The following CNBD1 variants were observed in gnomAD, a reference collection of about 807,000 sequenced individuals.
CNBD1 encodes cyclic nucleotide-binding domain-containing protein 1.
CNBD1 carries 71 observed loss-of-function variants against 54.4 expected under a neutral mutation model. The ratio of observed to expected loss-of-function variants is 1.30; its 90% CI spans 1.08 to 1.59. The LOEUF is 1.59. Ranked by LOEUF, CNBD1 falls within the 40% of genes most tolerant of loss-of-function variation. The pLI is 0.00. For synonymous variants in CNBD1, 182 were observed against 170.7 expected, an observed-to-expected ratio of 1.07 and a Z score of -0.51; for missense variants, 659 against 518.0, an observed-to-expected ratio of 1.27 and a Z score of -2.64.
intron 6 of CNBD1, among the ~76,000 whole-genome samples, chr8:87,258,527 G>C (rs1377227101): frequency 2.6e-5 from 4 of 151,888 alleles, no homozygotes; most frequent in African/African-American, 7.3e-5. Flanking sequence ...CTAATCTCAA[G>C]TGATCTGCCC....
At chr8:87,160,509 C>T (rs938086478) in intron 4 of CNBD1, among the ~76,000 whole-genome samples, 1 of 152,082 alleles carries the variant, frequency 6.6e-6, no homozygotes, top group Non-Finnish European at 1.5e-5. Context: ...ATTGACTAAG[C>T]CCTTGCATTA....
chr8:87,389,748 A>G (rs1437044968), intron 2 of CNBD1, among the ~76,000 whole-genome samples: 2 of 147,478 alleles, frequency 1.4e-5, no homozygotes, highest in Admixed American at 6.7e-5. Flanking sequence ...ATGGAAAAAA[A>G]CTAAAGTTCA....
intron 8 of CNBD1, among the ~76,000 whole-genome samples, chr8:87,334,874 C>A (rs1809911257): frequency 6.6e-6 from 1 of 151,958 alleles, no homozygotes; most frequent in South Asian, 2.1e-4. Flanking sequence ...CAGGTGCCCA[C>A]CACCATGCCC....
intron 4 of CNBD1, among the ~76,000 whole-genome samples, chr8:87,160,128 C>T (rs975690559): frequency 2.9e-4 from 44 of 151,902 alleles, no homozygotes; most frequent in African/African-American, 9.7e-4. Context: ...ATTATCATAT[C>T]ATTTGAAGTG....
At chr8:87,368,397 A>G (rs554136857) in intron 10 of CNBD1, among the ~76,000 whole-genome samples, 2 of 152,140 alleles carry the variant, frequency 1.3e-5, no homozygotes, top group Admixed American at 1.3e-4. Flanking sequence ...GCATTTTAGG[A>G]GGCTGAAGTG....
intron 4 of CNBD1, among the ~76,000 whole-genome samples, chr8:87,036,285 T>C (rs1022303290): frequency 1.3e-5 from 2 of 152,204 alleles, no homozygotes; most frequent in Non-Finnish European, 2.9e-5. Flanking sequence ...TTGTTCACTA[T>C]TATTTTTACA....
chr8:86,887,405 C>A, intron 1 of CNBD1, 137 bp from the exon 2 acceptor site: 1 of 581,648 alleles, frequency 1.7e-6, no homozygotes, highest in South Asian at 2.6e-5. Context: ...GTGTATTAAA[C>A]AAAGACTGTT....
At chr8:86,878,105 T>TGTGTGA (rs56785226) in intron 1 of CNBD1, among the ~76,000 whole-genome samples, 6,339 of 140,816 alleles carry the variant, frequency 0.045, 187 homozygotes, top group Middle Eastern at 0.07. Context: ...TGTGTGTGTG[T>TGTGTGA]GAGAGAGAGA....
Position 87,382,624 on chromosome 8 carries a change from C to T in CNBD1, c.1308C>T (p.Ala436=), listed in dbSNP as rs1378288913. 4 of 1,536,250 alleles carry T rather than the reference C, an allele frequency of 2.6e-6. No homozygotes were observed. The highest frequency in any genetic ancestry group is 2.6e-6 in the Non-Finnish European group (3 of 1,135,074). ...TTGTTTGTTTGCCTTTTGCAGTGGC[C>T]TAGATCTAGAAACAACCTCAGTGAA... ...AIIEDKDLFV[A] is the part of the protein sequence containing the mutation. The change falls in exon 11 of 11, where the codon GCC becomes GCT. Residue 436 remains alanine (A), a synonymous_variant. Coordinates refer to ENST00000518476, the MANE Select transcript of CNBD1 (RefSeq NM_173538.3).
At chr8:87,278,011 G>T (rs1377913168) in intron 6 of CNBD1, among the ~76,000 whole-genome samples, 3 of 151,486 alleles carry the variant, frequency 2.0e-5, no homozygotes, top group Non-Finnish European at 4.4e-5. Context: ...TAAGAAAATG[G>T]AAGCTTCATA....
chr8:87,302,642 C>T (rs370552855), intron 8 of CNBD1, among the ~76,000 whole-genome samples: 12 of 151,320 alleles, frequency 7.9e-5, no homozygotes, highest in African/African-American at 9.7e-5. Context: ...CCAGGGCAAT[C>T]AGGCAGGAGA....
At chr8:87,264,361 G>T (rs1294466441) in intron 6 of CNBD1, among the ~76,000 whole-genome samples, 7 of 152,080 alleles carry the variant, frequency 4.6e-5, no homozygotes, top group Non-Finnish European at 8.8e-5. Flanking sequence ...GTATTCCATG[G>T]TGTATATGTG....
At chr8:86,898,364 C>T (rs1269551092) in intron 2 of CNBD1, among the ~76,000 whole-genome samples, 2 of 152,030 alleles carry the variant, frequency 1.3e-5, no homozygotes, top group Non-Finnish European at 2.9e-5. Context: ...AGATTTTTCT[C>T]TTGCTTGTAT....
chr8:87,036,526 GGAGCTTGCAGT>G (rs1347765205), intron 4 of CNBD1, among the ~76,000 whole-genome samples: 1 of 147,782 alleles, frequency 6.8e-6, no homozygotes, highest in Non-Finnish European at 1.5e-5. Flanking sequence ...CCCAGGAGGC[GGAGCTTGCAGT>G]GAGCAGAGAT....
At chr8:87,292,412 T>A (rs1808805013) in intron 8 of CNBD1, among the ~76,000 whole-genome samples, 1 of 152,232 alleles carries the variant, frequency 6.6e-6, no homozygotes, top group South Asian at 2.1e-4. Flanking sequence ...ATCTATCAAC[T>A]AATTTTTATT....
intron 4 of CNBD1, among the ~76,000 whole-genome samples, chr8:87,009,015 T>A (rs1277735831): frequency 6.6e-6 from 1 of 152,066 alleles, no homozygotes; most frequent in Non-Finnish European, 1.5e-5. Flanking sequence ...ATTGGTTTTT[T>A]ATTTGAACTA....
At chr8:86,903,466 G>T (rs1357043311) in intron 2 of CNBD1, among the ~76,000 whole-genome samples, 2 of 152,030 alleles carry the variant, frequency 1.3e-5, no homozygotes, top group Admixed American at 1.3e-4. Flanking sequence ...AACAAAATGG[G>T]TAGGAGTATC....
intron 8 of CNBD1, among the ~76,000 whole-genome samples, chr8:87,350,039 T>G (rs1810252397): frequency 6.6e-6 from 1 of 152,206 alleles, no homozygotes; most frequent in African/African-American, 2.4e-5. Flanking sequence ...AAGTGCATTA[T>G]TTCCTTATCT....
chr8:87,253,539 CA>C (rs2130841451), intron 6 of CNBD1, among the ~76,000 whole-genome samples: 1 of 152,272 alleles, frequency 6.6e-6, no homozygotes, highest in East Asian at 1.9e-4. Flanking sequence ...GATTTGCCTA[CA>C]ACCTTAATAG....
Sources: allele counts gnomAD v4.1 joint callset (sites outside exome capture counted in the v4.1 genomes callset), GRCh38; gene constraint gnomAD v4.1.1; transcripts MANE v1.5; gene names NCBI Gene and HGNC (gene_info 2026-07-23, HGNC 2026-07-21).